The following ATG10 variants were observed in gnomAD, a reference collection of about 807,000 sequenced individuals.
ATG10 encodes the protein ubiquitin-like-conjugating enzyme ATG10.
ATG10 carries 30 observed loss-of-function variants against 32.1 expected under a neutral mutation model. The ratio of observed to expected loss-of-function variants is 0.94; its 90% CI spans 0.70 to 1.27. The LOEUF (loss-of-function observed/expected upper bound fraction) is 1.27, where lower values mean the gene tolerates loss of function less well. Ranked by LOEUF, ATG10 falls within the 50% of genes most tolerant of loss-of-function variation. The pLI is 0.00. For synonymous variants in ATG10, 87 were observed against 91.5 expected (o/e 0.95, Z 0.28); for missense variants, 233 against 262.3 (o/e 0.89, Z 0.77).
At chr5:82,063,292 T>C (rs1337788087) in intron 3 of ATG10, among the ~76,000 whole-genome samples, 2 of 152,028 alleles carry the variant, frequency 1.3e-5, no homozygotes, top group Non-Finnish European at 2.9e-5. Flanking sequence ...GCGCTCTATC[T>C]AATATGGGCA....
At chr5:82,011,654 T>C (rs548468787) in intron 2 of ATG10, among the ~76,000 whole-genome samples, 1 of 152,350 alleles carries the variant, frequency 6.6e-6, no homozygotes, top group African/African-American at 2.4e-5. Flanking sequence ...GAGGTTATGC[T>C]CAAACACCTG....
intron 3 of ATG10, among the ~76,000 whole-genome samples, chr5:82,116,169 A>G (rs2149820184): frequency 6.6e-6 from 1 of 152,186 alleles, no homozygotes; most frequent in Non-Finnish European, 1.5e-5. Context: ...GGGGCTGTTG[A>G]GGTCATATAA....
chr5:82,185,758 G>A (rs1320615975), intron 5 of ATG10, among the ~76,000 whole-genome samples: 1 of 152,162 alleles, frequency 6.6e-6, no homozygotes, highest in Non-Finnish European at 1.5e-5. Flanking sequence ...GTTGCCTGGT[G>A]ATTTATAATG....
At chr5:82,042,267 G>A (rs745435590) in intron 2 of ATG10, among the ~76,000 whole-genome samples, 1 of 152,158 alleles carries the variant, frequency 6.6e-6, no homozygotes, top group Non-Finnish European at 1.5e-5. Flanking sequence ...GAGAGCAAGA[G>A]TAAAGGGGGA....
intron 5 of ATG10, among the ~76,000 whole-genome samples, chr5:82,222,991 AG>A (rs1745988325): frequency 6.6e-6 from 1 of 152,236 alleles, no homozygotes; most frequent in Non-Finnish European, 1.5e-5. Flanking sequence ...GCAAGTTGGT[AG>A]GTTGGAAAAT....
chr5:82,169,589 T>C (rs897392425), intron 4 of ATG10, among the ~76,000 whole-genome samples: 1 of 152,164 alleles, frequency 6.6e-6, no homozygotes. Context: ...TAGAAAATTA[T>C]TTGACAGATA....
chr5:82,195,119 T>C (rs1744802222), intron 5 of ATG10, among the ~76,000 whole-genome samples: 2 of 152,332 alleles, frequency 1.3e-5, no homozygotes, highest in South Asian at 4.1e-4. Context: ...ACCCTGCTGG[T>C]CCCATGAACT....
intron 5 of ATG10, among the ~76,000 whole-genome samples, chr5:82,220,290 T>G (rs1581817848): frequency 6.8e-6 from 1 of 147,736 alleles, no homozygotes. Context: ...TGAGATGGAG[T>G]CTCGCTCTGT....
intron 3 of ATG10, among the ~76,000 whole-genome samples, chr5:82,154,752 C>T (rs1294005196): frequency 6.6e-6 from 1 of 152,146 alleles, no homozygotes; most frequent in Non-Finnish European, 1.5e-5. Flanking sequence ...CATCTTTGTC[C>T]CAGCACAAGC....
intron 4 of ATG10, among the ~76,000 whole-genome samples, chr5:82,177,597 A>G (rs1422377283): frequency 6.6e-6 from 1 of 152,074 alleles, no homozygotes; most frequent in Non-Finnish European, 1.5e-5. Context: ...CCAGTAGTGT[A>G]TGGTTTGAAA....
chr5:82,189,883 C>G (rs1253593687), intron 5 of ATG10, among the ~76,000 whole-genome samples: 1 of 152,138 alleles, frequency 6.6e-6, no homozygotes, highest in African/African-American at 2.4e-5. Flanking sequence ...CCTTGGCCTC[C>G]CAAAGTGCTG....
At chr5:82,169,320 G>GAA (rs34118832) in intron 4 of ATG10, among the ~76,000 whole-genome samples, 31 of 124,726 alleles carry the variant, frequency 2.5e-4, no homozygotes, top group Admixed American at 1.7e-3. Flanking sequence ...GTGAAATTTG[G>GAA]AAAAAAAAAA....
intron 3 of ATG10, among the ~76,000 whole-genome samples, chr5:82,085,989 G>A (rs1037491339): frequency 6.6e-5 from 10 of 151,982 alleles, no homozygotes; most frequent in Admixed American, 5.9e-4. Flanking sequence ...ATTAAAACAA[G>A]AACTTAAGAA....
chr5:82,204,455 T>G (rs145513366), intron 5 of ATG10, among the ~76,000 whole-genome samples: 27 of 152,362 alleles, frequency 1.8e-4, no homozygotes, highest in African/African-American at 2.6e-4. Flanking sequence ...ACACCTATAG[T>G]AATTGCGAGG....
At chr5:82,234,017 G>C (rs1469366131) in intron 5 of ATG10, among the ~76,000 whole-genome samples, 1 of 152,150 alleles carries the variant, frequency 6.6e-6, no homozygotes, top group Non-Finnish European at 1.5e-5. Context: ...AGGGATTTGG[G>C]CTTCCAGGGG....
At chr5:82,063,618 G>T (rs1000686625) in intron 3 of ATG10, among the ~76,000 whole-genome samples, 1 of 151,560 alleles carries the variant, frequency 6.6e-6, no homozygotes, top group African/African-American at 2.4e-5. Context: ...TCAGCCTCCC[G>T]AGTAGCTGGG....
At chr5:82,074,881 C>T (rs973796625) in intron 3 of ATG10, among the ~76,000 whole-genome samples, 1 of 152,124 alleles carries the variant, frequency 6.6e-6, no homozygotes, top group African/African-American at 2.4e-5. Flanking sequence ...CACCTTTTTT[C>T]TCTGCCAGAA....
intron 5 of ATG10, among the ~76,000 whole-genome samples, chr5:82,226,735 A>G (rs1045464818): frequency 3.3e-5 from 5 of 152,236 alleles, no homozygotes; most frequent in Admixed American, 6.5e-5. Flanking sequence ...AGAAATGCAA[A>G]TAAAGATTTT....
chr5:82,168,592 G>A (rs1202660154), intron 4 of ATG10, among the ~76,000 whole-genome samples: 1 of 152,070 alleles, frequency 6.6e-6, no homozygotes, highest in Admixed American at 6.6e-5. Context: ...TTCTATTATT[G>A]GCCCAGGAAA....
Sources: gnomAD v4.1 joint callset for allele counts (sites outside exome capture counted in the v4.1 genomes callset) on GRCh38, gnomAD v4.1.1 for gene constraint, MANE v1.5 for transcripts, NCBI Gene and HGNC (gene_info 2026-07-23, HGNC 2026-07-21) for gene names.